The following EIF3L variants were observed in gnomAD, a reference collection of about 807,000 sequenced individuals.
EIF3L encodes the protein eIEF associated protein HSPC021.
A neutral mutation model predicts 74.6 loss-of-function variants in EIF3L; 32 were observed. The ratio of observed to expected loss-of-function variants is 0.43; its 90% CI spans 0.32 to 0.58. EIF3L has a LOEUF of 0.58. EIF3L is among the 20% of genes least tolerant of loss of function. The pLI is 0.06. For synonymous variants in EIF3L, 256 were observed against 254.4 expected (o/e 1.01, Z -0.06); for missense variants, 474 against 707.8 (o/e 0.67, Z 3.75).
Position 37,864,727 on chromosome 22 carries a change from C to T in EIF3L, c.579+1382C>T, listed in dbSNP as rs183158317. On this transcript the variant is annotated intron_variant, in intron 7 of 12. Transcript: ENST00000652021. ...CTAATTTTTGTATTTTTAGTAGAGACGGGGTTTCTCCATGTTGACCAGGCT... is the reference window on the plus strand; with the variant it reads ...CTAATTTTTGTATTTTTAGTAGAGATGGGGTTTCTCCATGTTGACCAGGCT... Among the ~76,000 whole-genome samples the T allele has an allele frequency of 2.9e-3, 442 of 152,080 alleles. 4 individuals are homozygous for T. The highest frequency in any genetic ancestry group is 0.01 in the African/African-American group (421 of 41,512).
At chr22:37,870,031 G>A (rs1418456771) in intron 7 of EIF3L, 145 bp from the exon 8 acceptor site, 13 of 588,470 alleles carry the variant, frequency 2.2e-5, no homozygotes, top group Non-Finnish European at 3.8e-5. Flanking sequence ...AACAGTGTAC[G>A]GAATGGTTTA....
chr22:37,876,876 G>A (rs1438666845), intron 10 of EIF3L: 4 of 152,194 alleles, frequency 2.6e-5, no homozygotes, highest in Non-Finnish European at 5.9e-5. Flanking sequence ...TGAGCAAAGT[G>A]GTTGAGACTT....
chr22:37,870,249 A>G lies in EIF3L; in HGVS notation c.653A>G (p.Asn218Ser), dbSNP rs1382333228. 3.1e-6 allele frequency: 5 copies of G among 1,613,868 alleles called. No homozygotes were observed. Among genetic ancestry groups the G allele is most frequent in the East Asian group, 2.2e-5 (1 of 44,882 alleles). ...SEEEIDFLRSNPKIWNVHSVL... is the reference protein window; with the variant it reads ...SEEEIDFLRSSPKIWNVHSVL... The stretch of plus-strand genomic sequence containing the variant: ...GAGGAGATTGACTTTCTTCGTTCCA[A>G]TCCCAAAATCTGGAATGTTCATAGT... Residue 218 changes from asparagine (N) to serine (S), a missense_variant, in exon 8 of 13, where the codon AAT becomes AGT. Asn to Ser is a conservative substitution (Grantham distance 46, BLOSUM62 1). Around this residue, in one of 4 missense-constraint regions of EIF3L, gnomAD observed 293 missense variants for 469.1 expected, o/e 0.62. Coordinates refer to ENST00000652021, the MANE Select transcript of EIF3L (RefSeq NM_016091.4).
At chr22:37,862,589 C>T (rs1021255162) in intron 5 of EIF3L, among the ~76,000 whole-genome samples, 34 of 152,188 alleles carry the variant, frequency 2.2e-4, no homozygotes, top group Non-Finnish European at 4.6e-4. Flanking sequence ...ATTCCTGGCC[C>T]GTAGTCTAGT....
chr22:37,852,959 C>T (rs914374437), intron 3 of EIF3L, among the ~76,000 whole-genome samples: 1 of 152,094 alleles, frequency 6.6e-6, no homozygotes, highest in Admixed American at 6.6e-5. Context: ...CCAAGTCATG[C>T]GGCACCAAAA....
At chr22:37,878,235 T>G (rs556708863) in intron 11 of EIF3L, 64 bp downstream of exon 11, 2 of 1,515,936 alleles carry the variant, frequency 1.3e-6, no homozygotes, top group Admixed American at 2.1e-5. Flanking sequence ...TTCACTATTG[T>G]GGGCACATGA....
At chr22:37,874,045 A>G (rs561733416) in intron 8 of EIF3L, among the ~76,000 whole-genome samples, 1 of 152,316 alleles carries the variant, frequency 6.6e-6, no homozygotes, top group South Asian at 2.1e-4. Flanking sequence ...GTTATTAGGA[A>G]AATAGCTTTG....
intron 8 of EIF3L, among the ~76,000 whole-genome samples, chr22:37,872,645 G>A (rs1051912136): frequency 2.0e-5 from 3 of 152,046 alleles, no homozygotes; most frequent in African/African-American, 4.8e-5. Flanking sequence ...TTGAGATGGG[G>A]TCTCACTCTG....
At chr22:37,864,445 C>G (rs1027444660) in intron 7 of EIF3L, among the ~76,000 whole-genome samples, 1 of 152,004 alleles carries the variant, frequency 6.6e-6, no homozygotes, top group Non-Finnish European at 1.5e-5. Flanking sequence ...AGTTGCTGTT[C>G]AAGGTCGAAT....
chr22:37,864,540 C>CTT (rs34999265), intron 7 of EIF3L, among the ~76,000 whole-genome samples: 8 of 138,152 alleles, frequency 5.8e-5, no homozygotes, highest in African/African-American at 1.4e-4. Flanking sequence ...TGTTTACTGG[C>CTT]TTTTTTTTTT....
At chr22:37,867,886 C>T (rs1601768171) in intron 7 of EIF3L, among the ~76,000 whole-genome samples, 2 of 144,622 alleles carry the variant, frequency 1.4e-5, no homozygotes, top group South Asian at 2.2e-4. Context: ...ACCCAGGAGG[C>T]GGAGCTTGCA....
chr22:37,870,760 G>A (rs1334100032), intron 8 of EIF3L, among the ~76,000 whole-genome samples: 1 of 151,696 alleles, frequency 6.6e-6, no homozygotes, highest in Non-Finnish European at 1.5e-5. Context: ...CTGTCTGGCT[G>A]AGATAGCTGG....
chr22:37,882,043 A>C (rs1927077817), intron 11 of EIF3L: 1 of 152,280 alleles, frequency 6.6e-6, no homozygotes, highest in Non-Finnish European at 1.5e-5. Context: ...ATGATGGCTC[A>C]CGCCTGTAAT....
At chr22:37,856,044 ATTTAT>A (rs1449226880) in intron 4 of EIF3L, among the ~76,000 whole-genome samples, 7 of 94,850 alleles carry the variant, frequency 7.4e-5, no homozygotes, top group East Asian at 7.8e-4. Flanking sequence ...TTATTTATTT[ATTTAT>A]TTTATTTTAT....
chr22:37,852,103 C>T lies in EIF3L; in HGVS notation c.293+613C>T, dbSNP rs550261328. Among the ~76,000 whole-genome samples, 3 of 152,322 alleles carry T rather than the reference C, an allele frequency of 2.0e-5. No individual in the cohort carries two copies. In the East Asian group the frequency reaches 5.8e-4, roughly 29 times the overall value. ...ACAAGCGTGAGCCACCATGCCCGGC[C>T]TGTTGGACTTTATATCCTCAGAAAT... On this transcript the variant is annotated intron_variant, in intron 3 of 12. Coordinates refer to ENST00000652021, the MANE Select transcript of EIF3L (RefSeq NM_016091.4).
chr22:37,867,560 A>T, intron 7 of EIF3L, among the ~76,000 whole-genome samples: 1 of 148,976 alleles, frequency 6.7e-6, no homozygotes, highest in South Asian at 2.1e-4. Flanking sequence ...TCAGCAGCTG[A>T]GGGATGAGAA....
At chr22:37,864,657 G>A (rs928919923) in intron 7 of EIF3L, among the ~76,000 whole-genome samples, 3 of 151,508 alleles carry the variant, frequency 2.0e-5, no homozygotes, top group African/African-American at 7.3e-5. Flanking sequence ...TCTTGTCTCA[G>A]CCTCCCCAGT....
chr22:37,863,725 T>G (rs770600515), intron 7 of EIF3L, among the ~76,000 whole-genome samples: 23 of 152,176 alleles, frequency 1.5e-4, no homozygotes, highest in Non-Finnish European at 2.8e-4. Context: ...GAGCCTCACT[T>G]TCTTTACCCA....
intron 7 of EIF3L, among the ~76,000 whole-genome samples, chr22:37,868,017 T>C (rs1177781602): frequency 6.6e-6 from 1 of 151,456 alleles, no homozygotes; most frequent in Non-Finnish European, 1.5e-5. Context: ...ATATTAATTG[T>C]CAATTTTGTT....
Sources: gnomAD v4.1 joint callset for allele counts (sites outside exome capture counted in the v4.1 genomes callset) on GRCh38, gnomAD v4.1.1 for gene constraint, gnomAD v4.1.1 regional missense constraint, MANE v1.5 for transcripts, NCBI Gene and HGNC (gene_info 2026-07-23, HGNC 2026-07-21) for gene names.